TMPRSS11F: variants seen among roughly 807,000 people sequenced by gnomAD.
TMPRSS11F encodes transmembrane protease serine 11F.
A neutral mutation model predicts 60.2 loss-of-function variants in TMPRSS11F; 47 were observed. That is an observed-to-expected ratio of 0.78 (90% CI 0.62 to 1.00). TMPRSS11F has a LOEUF of 1.00. TMPRSS11F is among the 50% of genes least tolerant of loss of function. The pLI is 0.00. For synonymous variants in TMPRSS11F, 166 were observed against 167.3 expected (o/e 0.99, Z 0.06); for missense variants, 519 against 522.9 (o/e 0.99, Z 0.07).
chr4:68,069,983 T>C lies in TMPRSS11F; in HGVS notation c.539A>G (p.Asn180Ser). ...LTPIDSKKMRNLLNSRCGIRM... is the reference protein window; with the variant it reads ...LTPIDSKKMRSLLNSRCGIRM... ...TTGGAACTTACGACTGTTGAGAAGA[T>C]TCCTCATCTTTTTGCTGTCAATAGC... The change falls in exon 6 of 10, where the codon AAT becomes AGT. Residue 180 changes from asparagine to serine, a missense_variant. By Grantham distance (46) the Asn-to-Ser change is conservative. Coordinates refer to ENST00000356291, the MANE Select transcript of TMPRSS11F (RefSeq NM_207407.2). The C allele has an allele frequency of 1.2e-6, 2 of 1,605,360 alleles. No individual in the cohort carries two copies. The highest frequency in any genetic ancestry group is 1.7e-6 in the Non-Finnish European group (2 of 1,175,448).
chr4:68,056,976 G>T (rs1379146612), intron 9 of TMPRSS11F, among the ~76,000 whole-genome samples: 2 of 152,106 alleles, frequency 1.3e-5, no homozygotes, highest in African/African-American at 4.8e-5. Context: ...GGGAAAATTG[G>T]TTATCTATAT....
chr4:68,125,264 A>G (rs1483800811), intron 1 of TMPRSS11F, among the ~76,000 whole-genome samples: 1 of 151,872 alleles, frequency 6.6e-6, no homozygotes, highest in Non-Finnish European at 1.5e-5. Context: ...CCATCACCTG[A>G]TAATAATGCT....
chr4:68,119,324 A>G (rs1430681896), intron 1 of TMPRSS11F, among the ~76,000 whole-genome samples: 2 of 152,184 alleles, frequency 1.3e-5, no homozygotes, highest in East Asian at 1.9e-4. Flanking sequence ...GCAAAGCAGC[A>G]AGTGTTGATG....
chr4:68,077,099 C>T (rs1467791363), intron 3 of TMPRSS11F, among the ~76,000 whole-genome samples: 4 of 152,186 alleles, frequency 2.6e-5, no homozygotes, highest in Non-Finnish European at 5.9e-5. Context: ...CCCTGAGCTT[C>T]CAGCTCTGTC....
intron 2 of TMPRSS11F, among the ~76,000 whole-genome samples, chr4:68,097,216 C>A (rs1724091839): frequency 6.6e-6 from 1 of 152,140 alleles, no homozygotes; most frequent in Admixed American, 6.6e-5. Flanking sequence ...GGTTTGGTGA[C>A]TTAAAACAAC....
At position 68,063,411 on chromosome 4, in the gene TMPRSS11F, T is replaced by C. The variant is rs140722227; in HGVS notation, c.1015+1274A>G. 547 of 373,820 alleles carry C rather than the reference T, an allele frequency of 1.5e-3. 18 individuals carry two copies. In the East Asian group the frequency reaches 0.034, roughly 24 times the overall value. 23.2% of individuals were successfully genotyped at this position (373,820 alleles called of 1,614,324 possible). ...TGTTTGTTTTGAGATGGAGTCTTGC[T>C]CTGTCACCAGGCTGCAGTGCAATGG... On this transcript the variant is annotated intron_variant, in intron 8 of 9. Coordinates refer to ENST00000356291, the MANE Select transcript of TMPRSS11F (RefSeq NM_207407.2).
intron 8 of TMPRSS11F, among the ~76,000 whole-genome samples, chr4:68,063,551 T>C (rs912914082): frequency 1.3e-5 from 2 of 152,052 alleles, no homozygotes; most frequent in Admixed American, 6.6e-5. Flanking sequence ...TAATTTTTTT[T>C]TGTATTTTTA....
Position 68,059,399 on chromosome 4 carries a change from T to G in TMPRSS11F, c.1085A>C (p.Asp362Ala). The G allele has an allele frequency of 6.2e-7, 1 of 1,613,992 alleles. No individual in the cohort carries two copies. The highest frequency in any genetic ancestry group is 8.5e-7 in the Non-Finnish European group (1 of 1,179,968). ...TGGAGTTATCAGGCCATCATACACA[T>G]CCTTTCTGTTACACACATCAGTGCT... is the stretch of plus-strand genomic sequence containing the variant. ...TISTDVCNRK[D>A]VYDGLITPGM... Residue 362 changes from aspartate to alanine, a missense_variant, in exon 9 of 10, where the codon GAT becomes GCT. Transcript: ENST00000356291.
chr4:68,062,904 C>T (rs1489442321), intron 8 of TMPRSS11F: 1 of 805,474 alleles, frequency 1.2e-6, no homozygotes, highest in Non-Finnish European at 2.2e-6. Flanking sequence ...TTTATCACTT[C>T]TGCTGATAGT....
chr4:68,105,733 G>A (rs1229726103), intron 1 of TMPRSS11F, among the ~76,000 whole-genome samples: 6 of 152,112 alleles, frequency 3.9e-5, no homozygotes, highest in African/African-American at 1.4e-4. Flanking sequence ...TATAATTACT[G>A]TTAAAGTTAC....
At position 68,064,816 on chromosome 4, in the gene TMPRSS11F, G is replaced by A; in HGVS notation, c.884C>T (p.Ala295Val). The change falls in exon 8 of 10, where the codon GCT becomes GTT. Residue 295 changes from alanine to valine, a missense_variant. By Grantham distance (64) the Ala-to-Val change is moderately conservative. Transcript: ENST00000356291. The part of the protein sequence containing the change: ...YHRETNENDI[A>V]LVQLSTGVEF... ...AACTCCAGTAGAGAGCTGAACCAAAGCAATGTCATTTTCATTTGTTTCTCT... is the reference window on the plus strand; with the variant it reads ...AACTCCAGTAGAGAGCTGAACCAAAACAATGTCATTTTCATTTGTTTCTCT... 1 of 1,614,142 alleles carries A rather than the reference G, an allele frequency of 6.2e-7. No homozygotes were observed.
intron 3 of TMPRSS11F, among the ~76,000 whole-genome samples, chr4:68,075,559 C>A (rs1228893039): frequency 6.6e-6 from 1 of 151,948 alleles, no homozygotes; most frequent in African/African-American, 2.4e-5. Context: ...ATGGCAATAT[C>A]CTAGACAGGA....
chr4:68,088,617 T>C (rs1723863231), intron 3 of TMPRSS11F, among the ~76,000 whole-genome samples: 1 of 152,050 alleles, frequency 6.6e-6, no homozygotes. Context: ...ACCACACCTA[T>C]TCCAAAATTG....
At chr4:68,062,728 T>C (rs1723215187) in intron 8 of TMPRSS11F, 2 of 742,402 alleles carry the variant, frequency 2.7e-6, no homozygotes, top group Non-Finnish European at 5.1e-6. Context: ...AAAGCTGAAA[T>C]AGGGTCACTT....
chr4:68,087,760 G>T (rs1316595150), intron 3 of TMPRSS11F, among the ~76,000 whole-genome samples: 1 of 151,032 alleles, frequency 6.6e-6, no homozygotes, highest in African/African-American at 2.4e-5. Flanking sequence ...GGGTACATAT[G>T]CACAATGTGC....
rs139077495 is a variant in TMPRSS11F at position 68,120,952 on chromosome 4, T to C, written c.11+8858A>G. On this transcript the variant is annotated intron_variant, in intron 1 of 9. Coordinates refer to ENST00000356291, the MANE Select transcript of TMPRSS11F (RefSeq NM_207407.2). Reference sequence around the variant, plus strand: ...TTTGCACATTTAATAGACCACAGTATAGTGTAAACATAACTTTTACATGCA... The same window carrying C: ...TTTGCACATTTAATAGACCACAGTACAGTGTAAACATAACTTTTACATGCA... Among the ~76,000 whole-genome samples, 319 of 152,346 alleles carry C rather than the reference T, an allele frequency of 2.1e-3. 2 individuals are homozygous for C. Among genetic ancestry groups the C allele is most frequent in the African/African-American group, 7.4e-3 (306 of 41,582 alleles).
intron 1 of TMPRSS11F, among the ~76,000 whole-genome samples, chr4:68,103,638 A>G (rs1263795757): frequency 6.6e-6 from 1 of 152,078 alleles, no homozygotes; most frequent in Non-Finnish European, 1.5e-5. Flanking sequence ...TTGGCTACTC[A>G]AGGTCTTTTA....
In TMPRSS11F at chr4:68,129,791, A is replaced by C; in HGVS notation, c.11+19T>G. 2 of 1,612,368 alleles carry C rather than the reference A, an allele frequency of 1.2e-6. No individual in the cohort carries two copies. Among genetic ancestry groups the C allele is most frequent in the Middle Eastern group, 1.7e-4 (1 of 6,054 alleles). ...CTGTCCCCACTGATAACCTTTACTG[A>C]GAAAAGCTGAATACTTACGCGTACA... On this transcript the variant is annotated intron_variant, in intron 1 of 9. Coordinates refer to ENST00000356291, the MANE Select transcript of TMPRSS11F (RefSeq NM_207407.2).
At chr4:68,094,350 G>A (rs1384043958) in intron 2 of TMPRSS11F, among the ~76,000 whole-genome samples, 4 of 134,666 alleles carry the variant, frequency 3.0e-5, no homozygotes, top group Non-Finnish European at 4.7e-5. Context: ...ATTGAACAAT[G>A]AGAACACATG....
Sources: allele counts gnomAD v4.1 joint callset (sites outside exome capture counted in the v4.1 genomes callset), GRCh38; gene constraint gnomAD v4.1.1; transcripts MANE v1.5; gene names NCBI Gene and HGNC (gene_info 2026-07-23, HGNC 2026-07-21).